SLC25A48: variants seen among roughly 807,000 people sequenced by gnomAD.
SLC25A48 encodes CTC-321K16.1.
In SLC25A48, 29 loss-of-function variants were observed where a neutral mutation model predicts 32.2. The ratio of observed to expected loss-of-function variants is 0.90; its 90% confidence interval spans 0.67 to 1.23. SLC25A48 has a LOEUF of 1.23. SLC25A48 is among the 50% of genes most tolerant of loss of function. The probability of loss-of-function intolerance (pLI) is 0.00; values close to 1 mark genes in which losing one functional copy is unlikely to be tolerated. For synonymous variants in SLC25A48, 164 were observed against 172.3 expected (o/e 0.95, Z 0.38); for missense variants, 399 against 422.7 (o/e 0.94, Z 0.49).
chr5:135,764,787 G>C (rs1270235361), intron 3 of SLC25A48, among the ~76,000 whole-genome samples: 3 of 150,430 alleles, frequency 2.0e-5, no homozygotes, highest in Admixed American at 2.0e-4. Flanking sequence ...TCAAGGGCGA[G>C]AGAGGGTGAT....
chr5:135,758,727 ATAGAG>A (rs1344067646), intron 3 of SLC25A48, among the ~76,000 whole-genome samples: 1 of 150,610 alleles, frequency 6.6e-6, no homozygotes, highest in Non-Finnish European at 1.5e-5. Context: ...TATGATATTA[ATAGAG>A]TATTTTCTAT....
chr5:135,802,269 T>C (rs1438926718), intron 3 of SLC25A48, among the ~76,000 whole-genome samples: 2 of 151,746 alleles, frequency 1.3e-5, no homozygotes, highest in East Asian at 3.9e-4. Context: ...TACCCTGTGA[T>C]ATTATCTGTA....
intron 4 of SLC25A48, among the ~76,000 whole-genome samples, chr5:135,860,695 T>G (rs527505406): frequency 6.6e-6 from 1 of 152,338 alleles, no homozygotes; most frequent in African/African-American, 2.4e-5. Context: ...GTCTGCGCCC[T>G]GGGTCAGTCC....
At chr5:135,628,314 A>G (rs996736938) in intron 1 of SLC25A48, among the ~76,000 whole-genome samples, 11 of 152,180 alleles carry the variant, frequency 7.2e-5, no homozygotes, top group Admixed American at 1.3e-4. Flanking sequence ...AAGGGGGTCA[A>G]TTTACACCCC....
chr5:135,744,675 G>A (rs949261755), intron 3 of SLC25A48, among the ~76,000 whole-genome samples: 11 of 152,090 alleles, frequency 7.2e-5, no homozygotes, highest in Non-Finnish European at 1.6e-4. Flanking sequence ...GCTCAGAGAG[G>A]TTATGACTAT....
chr5:135,876,837 G>A (rs1762097805), intron 6 of SLC25A48, among the ~76,000 whole-genome samples: 3 of 152,158 alleles, frequency 2.0e-5, no homozygotes, highest in African/African-American at 7.2e-5. Flanking sequence ...AGCAGGAGAA[G>A]GTAGAGAGGA....
chr5:135,886,613 ATATATATATATATATATAT>A (rs1561567589), intron 7 of SLC25A48, among the ~76,000 whole-genome samples: 12 of 41,874 alleles, frequency 2.9e-4, no homozygotes, highest in Non-Finnish European at 5.2e-4. Context: ...ATATATATAT[ATATATATATATATATATAT>A]ATATAAAATA....
chr5:135,683,966 G>T (rs1753960242), intron 3 of SLC25A48, among the ~76,000 whole-genome samples: 1 of 152,146 alleles, frequency 6.6e-6, no homozygotes, highest in South Asian at 2.1e-4. Context: ...GTGATTTTAG[G>T]ATTTCAGCCT....
intron 3 of SLC25A48, among the ~76,000 whole-genome samples, chr5:135,754,689 T>A (rs573203030): frequency 1.2e-4 from 18 of 152,162 alleles, no homozygotes; most frequent in African/African-American, 4.1e-4. Context: ...GAAACATTGC[T>A]CTGATATTTA....
At chr5:135,626,231 A>C (rs1752437987) in intron 1 of SLC25A48, among the ~76,000 whole-genome samples, 1 of 152,242 alleles carries the variant, frequency 6.6e-6, no homozygotes, top group Non-Finnish European at 1.5e-5. Context: ...GAGCTTATTT[A>C]AAGTGACAAA....
At chr5:135,734,962 G>C (rs1755325631) in intron 3 of SLC25A48, among the ~76,000 whole-genome samples, 1 of 152,222 alleles carries the variant, frequency 6.6e-6, no homozygotes, top group Non-Finnish European at 1.5e-5. Context: ...GAGAAGATCT[G>C]GGAAGGAGTC....
intron 4 of SLC25A48, chr5:135,821,799 G>A (rs35114832): frequency 0.18 from 27,557 of 152,198 alleles, 2,849 homozygotes; most frequent in East Asian, 0.44. Flanking sequence ...GGATTTGCCA[G>A]GGTAAAGAGG....
intron 1 of SLC25A48, among the ~76,000 whole-genome samples, chr5:135,597,189 C>T (rs1751675233): frequency 6.6e-6 from 1 of 152,116 alleles, no homozygotes; most frequent in African/African-American, 2.4e-5. Flanking sequence ...AGAGTAGTGC[C>T]AGGCACATAT....
intron 3 of SLC25A48, among the ~76,000 whole-genome samples, chr5:135,648,262 G>A (rs1212947079): frequency 3.3e-5 from 5 of 152,076 alleles, no homozygotes; most frequent in Admixed American, 2.6e-4. Flanking sequence ...ACAGTTTCGG[G>A]TCCTAGGCCT....
intron 3 of SLC25A48, among the ~76,000 whole-genome samples, chr5:135,774,569 A>G (rs1756498952): frequency 6.6e-6 from 1 of 151,854 alleles, no homozygotes; most frequent in Non-Finnish European, 1.5e-5. Flanking sequence ...ATTACTCTGA[A>G]TATCACAGCG....
intron 3 of SLC25A48, chr5:135,650,567 A>AAAC (rs55633013): frequency 0.83 from 260,770 of 314,282 alleles, 106,673 homozygotes; most frequent in East Asian, 0.95. Context: ...ACTAAAAAAA[A>AAAC]AACAACAACA....
intron 3 of SLC25A48, among the ~76,000 whole-genome samples, chr5:135,688,242 T>C (rs530890551): frequency 6.6e-6 from 1 of 152,366 alleles, no homozygotes; most frequent in East Asian, 1.9e-4. Context: ...TTCCGTCATA[T>C]GTCTATATCA....
At chr5:135,613,135 A>C (rs1752110404) in intron 1 of SLC25A48, among the ~76,000 whole-genome samples, 1 of 152,174 alleles carries the variant, frequency 6.6e-6, no homozygotes, top group African/African-American at 2.4e-5. Flanking sequence ...CTAAGATCAT[A>C]TCTCATTGTG....
At chr5:135,673,923 T>C (rs1012217605) in intron 3 of SLC25A48, among the ~76,000 whole-genome samples, 11 of 151,812 alleles carry the variant, frequency 7.2e-5, no homozygotes, top group Non-Finnish European at 1.3e-4. Flanking sequence ...AAGGCTTTTT[T>C]TTCCCCCCCA....
Sources: gnomAD v4.1 joint callset for allele counts (sites outside exome capture counted in the v4.1 genomes callset) on GRCh38, gnomAD v4.1.1 for gene constraint, MANE v1.5 for transcripts, NCBI Gene and HGNC (gene_info 2026-07-23, HGNC 2026-07-21) for gene names.